The following STYX variants were observed in gnomAD, a reference collection of about 807,000 sequenced individuals.
STYX encodes the protein serine/threonine/tyrosine-interacting protein.
Under a neutral mutation model 42.7 loss-of-function variants are expected in STYX, and 20 were observed. The ratio of observed to expected loss-of-function variants is 0.47; its 90% CI spans 0.33 to 0.68. The LOEUF (loss-of-function observed/expected upper bound fraction) is 0.68, where lower values mean the gene tolerates loss of function less well. Among genes scored for constraint, STYX ranks in the 30% least tolerant of loss-of-function variants. The pLI, the probability that STYX is intolerant of heterozygous loss-of-function variation, is 0.02. For synonymous variants in STYX, 78 were observed against 81.9 expected (o/e 0.95, Z 0.26); for missense variants, 226 against 268.5 (o/e 0.84, Z 1.11).
intron 1 of STYX, among the ~76,000 whole-genome samples, chr14:52,742,658 C>G (rs1474735501): frequency 1.3e-5 from 2 of 152,068 alleles, no homozygotes; most frequent in African/African-American, 2.4e-5. Context: ...CAAAATCTAG[C>G]TAAATAAAGC....
chr14:52,736,754 T>C (rs995155945), intron 1 of STYX, among the ~76,000 whole-genome samples: 2 of 152,236 alleles, frequency 1.3e-5, no homozygotes, highest in Non-Finnish European at 2.9e-5. Flanking sequence ...TAGTTTAATT[T>C]ATCTGAATGA....
intron 2 of STYX, among the ~76,000 whole-genome samples, chr14:52,745,186 T>A (rs1031846160): frequency 1.7e-4 from 25 of 151,294 alleles, no homozygotes; most frequent in Non-Finnish European, 4.4e-5. Context: ...AATGGCACGA[T>A]CTCGGCTCAC....
At chr14:52,762,205 G>A (rs1266977236) in intron 9 of STYX, among the ~76,000 whole-genome samples, 1 of 152,040 alleles carries the variant, frequency 6.6e-6, no homozygotes, top group Non-Finnish European at 1.5e-5. Context: ...AGATTTTTGT[G>A]ATCATTTGTT....
At chr14:52,741,224 AT>A (rs1378389217) in intron 1 of STYX, among the ~76,000 whole-genome samples, 1 of 92,030 alleles carries the variant, frequency 1.1e-5, no homozygotes, top group African/African-American at 4.0e-5. Context: ...ATATATATAT[AT>A]ATATATTTTT....
Position 52,738,627 on chromosome 14 carries a change from A to G in STYX, c.58-6225A>G, listed in dbSNP as rs117699803. On this transcript the variant is annotated intron_variant, in intron 1 of 10. Transcript: ENST00000354586. ...CAAATGAAGGTGTTGAGGAAATGCCACTCCAAAATATGACACCTTGATATA... is the reference window on the plus strand; with the variant it reads ...CAAATGAAGGTGTTGAGGAAATGCCGCTCCAAAATATGACACCTTGATATA... Among the ~76,000 whole-genome samples the G allele has an allele frequency of 6.8e-3, 1,028 of 152,274 alleles. 3 individuals carry two copies. The highest frequency in any genetic ancestry group is 0.024 in the Middle Eastern group (7 of 294).
chr14:52,735,183 C>G (rs548563218), intron 1 of STYX, among the ~76,000 whole-genome samples: 5 of 152,214 alleles, frequency 3.3e-5, no homozygotes, highest in Admixed American at 2.0e-4. Context: ...TCTCTACTTT[C>G]TCTCGGAGTC....
chr14:52,737,617 C>T (rs1313788052), intron 1 of STYX, among the ~76,000 whole-genome samples: 2 of 152,122 alleles, frequency 1.3e-5, no homozygotes, highest in South Asian at 2.1e-4. Flanking sequence ...ATTAATACCA[C>T]GGTTTCTAAA....
intron 1 of STYX, among the ~76,000 whole-genome samples, chr14:52,734,277 A>G (rs1880858106): frequency 6.6e-6 from 1 of 152,100 alleles, no homozygotes; most frequent in Non-Finnish European, 1.5e-5. Flanking sequence ...TCGGGGTGAA[A>G]CAGCCTTAGA....
chr14:52,768,175 G>C lies in STYX; in HGVS notation c.505-665G>C, dbSNP rs563187486. ...TTATCTGCTATGCCTAGCTTAGGAT[G>C]GTTCTATTTTTTTTGAAAATTTTAT... On this transcript the variant is annotated intron_variant, in intron 9 of 10. Transcript: ENST00000354586. Among the ~76,000 whole-genome samples, 60 of 152,036 alleles carry C rather than the reference G, an allele frequency of 3.9e-4. No homozygotes were observed. In the Middle Eastern group the frequency reaches 0.017, roughly 43 times the overall value.
At chr14:52,761,024 A>G (rs961822557) in intron 9 of STYX, among the ~76,000 whole-genome samples, 9 of 152,186 alleles carry the variant, frequency 5.9e-5, no homozygotes, top group African/African-American at 1.2e-4. Flanking sequence ...AAAGAATAGT[A>G]TATACATATG....
At position 52,772,317 on chromosome 14, in the gene STYX, A is replaced by ACT. The variant is rs71125128; in HGVS notation, c.*1212_*1213dup. The ACT allele has an allele frequency of 0.99, 151,268 of 152,252 alleles. 75,152 individuals carry two copies. The highest frequency in any genetic ancestry group is 1 in the Middle Eastern group (294 of 294). 9.4% of individuals were successfully genotyped at this position (152,252 alleles called of 1,614,324 possible). ...CTTTGGGGAAGGTGATTTGTGGGAG[A>ACT]CTAGTGTATTTTAAATTAGCATTTT... On this transcript the variant is annotated 3_prime_UTR_variant, in exon 11 of 11. Transcript: ENST00000354586.
At chr14:52,752,670 G>T (rs1025593702) in intron 4 of STYX, among the ~76,000 whole-genome samples, 1 of 151,932 alleles carries the variant, frequency 6.6e-6, no homozygotes, top group Admixed American at 6.6e-5. Flanking sequence ...ATAAAGCAGG[G>T]TGTGGAACAA....
chr14:52,753,831 T>C (rs940436175), intron 4 of STYX, among the ~76,000 whole-genome samples: 1 of 151,956 alleles, frequency 6.6e-6, no homozygotes, highest in Non-Finnish European at 1.5e-5. Flanking sequence ...TAGTGTTTTT[T>C]TTTTACACCA....
intron 9 of STYX, among the ~76,000 whole-genome samples, chr14:52,765,936 T>C (rs1011586649): frequency 1.3e-4 from 20 of 152,164 alleles, no homozygotes; most frequent in African/African-American, 4.6e-4. Flanking sequence ...GGGTCTGCAG[T>C]CCAGGGGTGG....
At chr14:52,757,539 C>T (rs370072994) in intron 6 of STYX, among the ~76,000 whole-genome samples, 184 bp downstream of exon 6, 87 of 152,258 alleles carry the variant, frequency 5.7e-4, no homozygotes, top group African/African-American at 2.0e-3. Context: ...TCCCTGTAGA[C>T]TGTTTTCAAA....
Position 52,773,341 on chromosome 14 carries a change from A to AT in STYX, c.*2250dup, listed in dbSNP as rs71125129. The AT allele has an allele frequency of 0.43, 60,149 of 140,026 alleles. 13,663 individuals carry two copies. Among genetic ancestry groups the AT allele is most frequent in the Middle Eastern group, 0.52 (142 of 274 alleles). 8.7% of individuals were successfully genotyped at this position (140,026 alleles called of 1,614,324 possible). A position where few individuals can be genotyped will look rare whatever the true frequency, so the allele number is the denominator to read the frequency against. Reference sequence around the variant, plus strand: ...TATATATATATATATAGATAGATAGATTTTTTTTTTTTTTTGAGACAGAGT... The same window carrying AT: ...TATATATATATATATAGATAGATAGATTTTTTTTTTTTTTTTGAGACAGAGT... On this transcript the variant is annotated 3_prime_UTR_variant, in exon 11 of 11. Transcript: ENST00000354586.
chr14:52,739,257 CT>C (rs985058880), intron 1 of STYX, among the ~76,000 whole-genome samples: 1 of 152,042 alleles, frequency 6.6e-6, no homozygotes, highest in African/African-American at 2.4e-5. Flanking sequence ...GAAAGTCTTC[CT>C]TGCCTTACAC....
intron 9 of STYX, among the ~76,000 whole-genome samples, chr14:52,767,380 TTTTC>T (rs1249543991): frequency 6.6e-6 from 1 of 152,224 alleles, no homozygotes; most frequent in African/African-American, 2.4e-5. Flanking sequence ...AACTGCCATA[TTTTC>T]TTTGATTAAT....
chr14:52,753,583 A>G (rs75591959), intron 4 of STYX, among the ~76,000 whole-genome samples: 2,595 of 152,298 alleles, frequency 0.017, 76 homozygotes, highest in African/African-American at 0.059. Flanking sequence ...AGTCCCTTAT[A>G]TAAACTGGTG....
Sources: allele counts gnomAD v4.1 joint callset (sites outside exome capture counted in the v4.1 genomes callset), GRCh38; gene constraint gnomAD v4.1.1; transcripts MANE v1.5; gene names NCBI Gene and HGNC (gene_info 2026-07-23, HGNC 2026-07-21).